The following RGPD2 variants were observed in gnomAD, a reference collection of about 807,000 sequenced individuals.
RGPD2 encodes RANBP2 like and GRIP domain containing 2.
In RGPD2, 2 loss-of-function variants were observed where a neutral mutation model predicts 36.0. The ratio of observed to expected loss-of-function variants is 0.06; its 90% CI spans 0.02 to 0.17. The LOEUF is 0.17. RGPD2 is among the 10% of genes least tolerant of loss of function. The probability of loss-of-function intolerance (pLI) is 1.00; values close to 1 mark genes in which losing one functional copy is unlikely to be tolerated. For missense variants in RGPD2, 40 were observed against 464.3 expected (o/e 0.09, Z 8.40); for synonymous variants, 19 against 163.8 (o/e 0.12, Z 6.75).
intron 8 of RGPD2, among the ~76,000 whole-genome samples, chr2:87,798,637 T>C (rs1574012921): frequency 1.2e-5 from 1 of 82,410 alleles, no homozygotes; most frequent in Non-Finnish European, 2.5e-5. Context: ...GGGTGGATAA[T>C]GAGGTCAGGA....
the RGPD2 span, among the ~76,000 whole-genome samples, chr2:87,883,776 A>G: frequency 6.6e-6 from 1 of 152,142 alleles, no homozygotes; most frequent in Non-Finnish European, 1.5e-5. Context: ...ATTTGCTCCA[A>G]AATTGGAGTA....
At chr2:87,896,931 C>T in the RGPD2 span, among the ~76,000 whole-genome samples, 4 of 150,352 alleles carry the variant, frequency 2.7e-5, no homozygotes, top group African/African-American at 7.3e-5. Context: ...ATAGATGAGT[C>T]GAAAGCCACT....
At chr2:87,845,448 G>A in the RGPD2 span, among the ~76,000 whole-genome samples, 1 of 151,478 alleles carries the variant, frequency 6.6e-6, no homozygotes, top group Non-Finnish European at 1.5e-5. Flanking sequence ...ATTCATAAAA[G>A]AAAATATAAA....
chr2:87,771,975 A>AT (rs1282230885), intron 22 of RGPD2, among the ~76,000 whole-genome samples, 194 bp downstream of exon 22: 4 of 152,252 alleles, frequency 2.6e-5, no homozygotes, highest in Non-Finnish European at 5.9e-5. Context: ...GAACGTTAAA[A>AT]TTATATAAAT....
intron 22 of RGPD2, among the ~76,000 whole-genome samples, chr2:87,769,322 A>G (rs1220247372): frequency 2.0e-5 from 3 of 152,052 alleles, no homozygotes; most frequent in Non-Finnish European, 4.4e-5. Flanking sequence ...CTGCTAAACC[A>G]TCATTGTTTT....
chr2:87,798,725 G>A lies in RGPD2; in HGVS notation c.1064-551C>T, dbSNP rs1271123921. 1.6e-4 allele frequency among the ~76,000 whole-genome samples: 23 copies of A among 139,580 alleles called. 1 individual carries two copies. The East Asian group carries it at 1.7e-3, about 10-fold the overall frequency. The allele number at this position is 139,580 out of a possible 152,430, so 91.6% of individuals were successfully genotyped here. On this transcript the variant is annotated intron_variant, in intron 8 of 22. Coordinates refer to ENST00000398146, the MANE Select transcript of RGPD2 (RefSeq NM_001078170.3). ...AAAAAAAAAAAAAAAAAAATTAGCC[G>A]GCCCTGGTGGCGGGCGCCTGTAGTC...
chr2:87,906,620 A>C, the RGPD2 span, among the ~76,000 whole-genome samples: 1 of 143,428 alleles, frequency 7.0e-6, no homozygotes, highest in Non-Finnish European at 1.5e-5. Flanking sequence ...AATGTTATAT[A>C]ATAAAAGTGC....
intron 6 of RGPD2, among the ~76,000 whole-genome samples, chr2:87,807,665 A>G (rs1686014116): frequency 9.4e-6 from 1 of 105,828 alleles, no homozygotes; most frequent in South Asian, 3.6e-4. Flanking sequence ...CTGGGATTAC[A>G]GGCATGAGCC....
At position 87,762,719 on chromosome 2, in the gene RGPD2, A is replaced by AAAC. The variant is rs774710896; in HGVS notation, c.5237-5296_5237-5294dup. 5.7e-4 allele frequency among the ~76,000 whole-genome samples: 23 copies of AAAC among 40,192 alleles called. 1 individual carries two copies. The highest frequency in any genetic ancestry group is 3.2e-3 in the East Asian group (3 of 924). 26.4% of individuals were successfully genotyped at this position (40,192 alleles called of 152,430 possible). On this transcript the variant is annotated intron_variant, in intron 22 of 22. Coordinates refer to ENST00000398146, the MANE Select transcript of RGPD2 (RefSeq NM_001078170.3). ...GGTGACACAGTGAGTATCCATCTCA[A>AAAC]AACAACAACAACAACAACAACAACA...
At chr2:87,869,774 T>A in the RGPD2 span, among the ~76,000 whole-genome samples, 1 of 152,218 alleles carries the variant, frequency 6.6e-6, no homozygotes, top group African/African-American at 2.4e-5. Context: ...GTATTTATAT[T>A]CCAGCTTTTT....
At chr2:87,965,104 A>G in the RGPD2 span, among the ~76,000 whole-genome samples, 430 of 136,882 alleles carry the variant, frequency 3.1e-3, no homozygotes, top group Admixed American at 5.7e-3. Context: ...GGCCTTCGGC[A>G]TTTACATCTT....
the RGPD2 span, chr2:87,986,038 A>G: frequency 1.5e-6 from 1 of 676,514 alleles, no homozygotes; most frequent in East Asian, 2.8e-5. Flanking sequence ...GAAAACTGTC[A>G]TTAAAGAGCC....
At chr2:87,825,526 C>CAGGCG (rs1465933508) in intron 1 of RGPD2, 132 bp downstream of exon 1, 1 of 405,432 alleles carries the variant, frequency 2.5e-6, no homozygotes, top group Admixed American at 3.0e-4. Context: ...GCCGCCCGGC[C>CAGGCG]GAGGCCGAGG....
At chr2:87,853,880 T>C in the RGPD2 span, among the ~76,000 whole-genome samples, 1 of 152,204 alleles carries the variant, frequency 6.6e-6, no homozygotes, top group Non-Finnish European at 1.5e-5. Context: ...TGACTATTTG[T>C]AGAGCAGATT....
the RGPD2 span, among the ~76,000 whole-genome samples, chr2:87,852,539 T>C: frequency 1.3e-5 from 2 of 152,246 alleles, no homozygotes; most frequent in Non-Finnish European, 2.9e-5. Flanking sequence ...TCCCATTTAT[T>C]GGACAGAAAA....
chr2:87,830,644 A>T (rs1189282204), upstream of RGPD2, among the ~76,000 whole-genome samples: 1 of 152,202 alleles, frequency 6.6e-6, no homozygotes, highest in Non-Finnish European at 1.5e-5. Context: ...GTAATTTATA[A>T]AGAAAAAGGT....
At chr2:87,825,505 AGGCCGAGGCCGCCGCCC>A (rs1206095615) in intron 1 of RGPD2, among the ~76,000 whole-genome samples, 136 bp downstream of exon 1, 11 of 53,506 alleles carry the variant, frequency 2.1e-4, no homozygotes, top group Admixed American at 8.7e-4. Context: ...GCCGAGGCCG[AGGCCGAGGCCGCCGCCC>A]GGCCGAGGCC....
At chr2:87,957,242 G>GGA in the RGPD2 span, among the ~76,000 whole-genome samples, 1 of 139,302 alleles carries the variant, frequency 7.2e-6, no homozygotes, top group Admixed American at 7.3e-5. Context: ...TCACTGGGGG[G>GGA]GGGCTCTCAT....
At chr2:87,957,935 AT>A in the RGPD2 span, among the ~76,000 whole-genome samples, 1 of 152,292 alleles carries the variant, frequency 6.6e-6, no homozygotes, top group Non-Finnish European at 1.5e-5. Context: ...TATACTGTGA[AT>A]TTAACTCAGA....
Sources: gnomAD v4.1 joint callset for allele counts (sites outside exome capture counted in the v4.1 genomes callset) on GRCh38, gnomAD v4.1.1 for gene constraint, MANE v1.5 for transcripts, NCBI Gene and HGNC (gene_info 2026-07-23, HGNC 2026-07-21) for gene names.